Variants in FLNC observed in about 807,000 individuals in gnomAD.
FLNC encodes filamin C.
Under a neutral mutation model 254.3 loss-of-function variants are expected in FLNC, and 91 were observed. That is an observed-to-expected ratio of 0.36 (90% CI 0.30 to 0.43). The LOEUF (loss-of-function observed/expected upper bound fraction) is 0.43. Ranked by LOEUF, FLNC falls within the 20% of genes least tolerant of loss-of-function variation. The pLI is 1.00. For synonymous variants in FLNC, 1,430 were observed against 1,577.2 expected, an observed-to-expected ratio of 0.91 and a Z score of 2.21; for missense variants, 2,853 against 3,802.6, an observed-to-expected ratio of 0.75 and a Z score of 6.57.
At chr7:128,843,052 A>C (rs371791770) in intron 16 of FLNC, 98 bp downstream of exon 16, 2 of 1,493,520 alleles carry the variant, frequency 1.3e-6, no homozygotes, top group East Asian at 2.4e-5. Flanking sequence ...ATGATTCCGC[A>C]GACATGGTGG....
intron 8 of FLNC, 75 bp from the exon 9 acceptor site, chr7:128,839,948 C>G: frequency 6.3e-7 from 1 of 1,576,126 alleles, no homozygotes; most frequent in Non-Finnish European, 8.6e-7. Context: ...GTTAGAAGGA[C>G]TGTGCACAGG....
At chr7:128,850,705 T>C (rs1168409848) in intron 32 of FLNC, 98 bp from the exon 33 acceptor site, 2 of 1,564,456 alleles carry the variant, frequency 1.3e-6, no homozygotes, top group African/African-American at 2.7e-5. Context: ...GCCTGGCTTC[T>C]CGGGTGGCAG....
rs2643767 is a variant in FLNC at position 128,848,850 on chromosome 7, A to G, written c.4795A>G (p.Thr1599Ala). ...NIRDNGDGTY[T>A]VSYLPDMSGR... ...CCGGGACAATGGGGATGGCACGTAC[A>G]CTGTGTCCTACCTGCCGGACATGAG... is the stretch of plus-strand genomic sequence containing the variant. The change falls in exon 28 of 48, where the codon ACT becomes GCT. Residue 1599 changes from threonine to alanine, a missense_variant. This residue lies in a region of FLNC where 1,573 missense variants were observed against 1,883.5 expected (regional missense o/e 0.84). Transcript: ENST00000325888. The G allele has an allele frequency of 7.4e-6, 12 of 1,613,836 alleles. No individual in the cohort carries two copies. Among genetic ancestry groups the G allele is most frequent in the Non-Finnish European group, 1.0e-5 (12 of 1,179,984 alleles).
chr7:128,835,339 C>T lies in FLNC; in HGVS notation c.366C>T (p.Ile122=), dbSNP rs369120591. The stretch of plus-strand genomic sequence containing the variant: ...TCCCCTCTGCAGACAGCAAGGCCAT[C>T]GTGGATGGGAACCTGAAGCTGATCC... ...IKLVSIDSKA[I]VDGNLKLILG... The change falls in exon 2 of 48, where the codon ATC becomes ATT. Residue 122 remains isoleucine, a synonymous_variant. Coordinates refer to ENST00000325888, the MANE Select transcript of FLNC (RefSeq NM_001458.5). The surrounding 1 kb of genome is among the most constrained non-coding windows in gnomAD (Gnocchi z 5.3). 107 of 1,613,638 alleles carry T rather than the reference C, an allele frequency of 6.6e-5. No homozygotes were observed. The highest frequency in any genetic ancestry group is 7.9e-5 in the Non-Finnish European group (93 of 1,180,028).
Position 128,842,425 on chromosome 7 carries a change from G to A in FLNC, c.2265+51G>A, listed in dbSNP as rs374280717. On this transcript the variant is annotated intron_variant, in intron 14 of 47. Transcript: ENST00000325888. The surrounding 1 kb of genome is among the most constrained non-coding windows in gnomAD (Gnocchi z 5.4). ...CCCACCACCAGGGGTCCCTGAGGGA[G>A]GGCGGAACCCTCGCTGGAGTCCCTG... 5 of 1,611,994 alleles carry A rather than the reference G, an allele frequency of 3.1e-6. No individual in the cohort carries two copies. The African/African-American group carries it at 6.7e-5, about 22-fold the overall frequency.
At chr7:128,834,460 A>G (rs1022978613) in intron 1 of FLNC, among the ~76,000 whole-genome samples, 1 of 151,354 alleles carries the variant, frequency 6.6e-6, no homozygotes, top group Non-Finnish European at 1.5e-5. Flanking sequence ...CTGAGAATGT[A>G]CTGGACCCCA....
chr7:128,844,031 T>A lies in FLNC; in HGVS notation c.2957T>A (p.Phe986Tyr). The A allele has an allele frequency of 6.2e-7, 1 of 1,614,082 alleles. No individual in the cohort carries two copies. Among genetic ancestry groups the A allele is most frequent in the Non-Finnish European group, 8.5e-7 (1 of 1,180,048 alleles). Residue 986 changes from phenylalanine (F) to tyrosine (Y), a missense_variant, in exon 20 of 48, where the codon TTC becomes TAC. By Grantham distance (22) the Phe-to-Tyr change is conservative (BLOSUM62 3). Transcript: ENST00000325888. Reference sequence around the variant, plus strand: ...GTGGCTGTGGGACAGGAACAAGCATTCTCTGTGAACACACGAGGGGCTGGC... The same window carrying A: ...GTGGCTGTGGGACAGGAACAAGCATACTCTGTGAACACACGAGGGGCTGGC... The part of the protein sequence containing the change: ...SKVAVGQEQA[F>Y]SVNTRGAGGQ...
Position 128,845,252 on chromosome 7 carries a change from C to A in FLNC, c.3787C>A (p.His1263Asn). The change falls in exon 21 of 48, where the codon CAC becomes AAC. Residue 1263 changes from histidine (H) to asparagine (N), a missense_variant. By Grantham distance (68) the His-to-Asn change is moderately conservative. Transcript: ENST00000325888. ...GGTCTCAGGGCCTGGTGTTGAGCCA[C>A]ACGGTGAGTGGACAGGAGGAGCCAA... Reference protein sequence around the residue: ...VKVSGPGVEPHGVLREVTTEF... With the variant: ...VKVSGPGVEPNGVLREVTTEF... 1 of 1,612,314 alleles carries A rather than the reference C, an allele frequency of 6.2e-7. No individual in the cohort carries two copies. Among genetic ancestry groups the A allele is most frequent in the Non-Finnish European group, 8.5e-7 (1 of 1,179,040 alleles).
At chr7:128,853,322 C>T in intron 37 of FLNC, 147 bp from the exon 38 acceptor site, 12 of 1,004,066 alleles carry the variant, frequency 1.2e-5, no homozygotes, top group Non-Finnish European at 1.8e-5. Context: ...CCGTGGTGCC[C>T]CCGCTCCTCC....
At position 128,846,897 on chromosome 7, in the gene FLNC, C is replaced by T. The variant is rs1192906461; in HGVS notation, c.4280C>T (p.Pro1427Leu). The change falls in exon 24 of 48, where the codon CCC becomes CTC. Residue 1427 changes from proline to leucine, a missense_variant. Physicochemically the swap from Pro to Leu is moderately conservative, Grantham distance 98 (BLOSUM62 -3). Transcript: ENST00000325888. The part of the protein sequence containing the change: ...YDVNITFGGR[P>L]IPGSPFRVPV... ...GTCAACATCACCTTCGGGGGGCGGC[C>T]CATCCCAGGTGTGCAGAGAGAGTGG... 6.2e-7 allele frequency: 1 copy of T among 1,614,192 alleles called. No individual in the cohort carries two copies. The highest frequency in any genetic ancestry group is 1.1e-5 in the South Asian group (1 of 91,086).
chr7:128,846,353 C>A lies in FLNC; in HGVS notation c.4017C>A (p.Pro1339=), dbSNP rs2128936853. 1 of 1,613,638 alleles carries A rather than the reference C, an allele frequency of 6.2e-7. No individual in the cohort carries two copies. Among genetic ancestry groups the A allele is most frequent in the Non-Finnish European group, 8.5e-7 (1 of 1,180,006 alleles). The change falls in exon 23 of 48, where the codon CCC becomes CCA. Residue 1339 remains proline, a synonymous_variant. Coordinates refer to ENST00000325888, the MANE Select transcript of FLNC (RefSeq NM_001458.5). ...LYDEVAVPKS[P]FRVGVTEGCD... ...ATGAGGTCGCTGTGCCCAAGAGCCC[C>A]TTCCGAGTGGGCGTGACCGAGGGCT...
intron 1 of FLNC, among the ~76,000 whole-genome samples, chr7:128,834,716 T>C (rs780585756): frequency 4.6e-5 from 7 of 151,928 alleles, no homozygotes; most frequent in Non-Finnish European, 8.8e-5. Flanking sequence ...TGTGATTCCA[T>C]TTATATAACA....
chr7:128,847,072 A>C (rs1808599087), intron 24 of FLNC, among the ~76,000 whole-genome samples, 167 bp downstream of exon 24: 1 of 152,246 alleles, frequency 6.6e-6, no homozygotes, highest in African/African-American at 2.4e-5. Flanking sequence ...TGGAGGAGGC[A>C]GGCAATGAGG....
At position 128,836,518 on chromosome 7, in the gene FLNC, C is replaced by T. The variant is rs1328858997; in HGVS notation, c.602-642C>T. Among the ~76,000 whole-genome samples, 1 of 152,216 alleles carries T rather than the reference C, an allele frequency of 6.6e-6. No homozygotes were observed. Among genetic ancestry groups the T allele is most frequent in the African/African-American group, 2.4e-5 (1 of 41,446 alleles). Reference sequence around the variant, plus strand: ...CTCTGGCCTAAACCAAGCGCCCCTTCACCTGCACCGTTCATAGGAGTGATC... The same window carrying T: ...CTCTGGCCTAAACCAAGCGCCCCTTTACCTGCACCGTTCATAGGAGTGATC... On this transcript the variant is annotated intron_variant, in intron 2 of 47. Transcript: ENST00000325888. This position sits in a 1 kb window ranked among gnomAD's most constrained non-coding sequence, Gnocchi z 6.0.
chr7:128,838,500 G>T (rs1002168964), intron 7 of FLNC, 71 bp downstream of exon 7: 2 of 1,595,436 alleles, frequency 1.3e-6, no homozygotes, highest in African/African-American at 1.3e-5. Context: ...GTGGGGGGAG[G>T]CTGGGACAGG....
chr7:128,846,219 G>GC, intron 22 of FLNC, 56 bp downstream of exon 22: 1 of 1,612,966 alleles, frequency 6.2e-7, no homozygotes, highest in African/African-American at 1.3e-5. Context: ...GCAGGGCCGG[G>GC]ATCTGATGAT....
In FLNC at chr7:128,844,128, C is replaced by T. The variant is rs769624093; in HGVS notation, c.3054C>T (p.Gly1018=). The change falls in exon 20 of 48, where the codon GGC becomes GGT. Residue 1018 remains glycine, a synonymous_variant. Coordinates refer to ENST00000325888, the MANE Select transcript of FLNC (RefSeq NM_001458.5). ...CCATCCCCTGCAAGCTGGAGCCAGGCGGTGGAGCGGAAGCCCAGGCTGTGC... is the reference window on the plus strand; with the variant it reads ...CCATCCCCTGCAAGCTGGAGCCAGGTGGTGGAGCGGAAGCCCAGGCTGTGC... ...RRPIPCKLEP[G]GGAEAQAVRY... is the part of the protein sequence containing the mutation. 1.4e-5 allele frequency: 22 copies of T among 1,613,812 alleles called. No homozygotes were observed. The highest frequency in any genetic ancestry group is 2.7e-5 in the African/African-American group (2 of 74,940).
Position 128,830,413 on chromosome 7 carries a change from C to T in FLNC, c.-225C>T, listed in dbSNP as rs1474572040. 5 of 573,710 alleles carry T rather than the reference C, an allele frequency of 8.7e-6. No homozygotes were observed. The highest frequency in any genetic ancestry group is 2.0e-5 in the African/African-American group (1 of 50,192). The allele number at this position is 573,710 out of a possible 1,614,324, so 35.5% of individuals were successfully genotyped here. On this transcript the variant is annotated 5_prime_UTR_variant, in exon 1 of 48. Coordinates refer to ENST00000325888, the MANE Select transcript of FLNC (RefSeq NM_001458.5). ...CCCGCCCCGGCCCAGCCCGCCCTTC[C>T]CGAGCACCGCTCCGGCCCTGGAGGG...
In FLNC at chr7:128,836,325, G is replaced by C. The variant is rs140980790; in HGVS notation, c.601+751G>C. Among the ~76,000 whole-genome samples the C allele has an allele frequency of 4.3e-4, 66 of 152,374 alleles. No homozygotes were observed. The East Asian group carries it at 0.012, about 28-fold the overall frequency. Reference sequence around the variant, plus strand: ...CCACCCTGGGGTCAGCCGGGGAGCAGAGGGTGGGAGGCGGGGGCACAGCCT... The same window carrying C: ...CCACCCTGGGGTCAGCCGGGGAGCACAGGGTGGGAGGCGGGGGCACAGCCT... On this transcript the variant is annotated intron_variant, in intron 2 of 47. Coordinates refer to ENST00000325888, the MANE Select transcript of FLNC (RefSeq NM_001458.5). This position sits in a 1 kb window ranked among gnomAD's most constrained non-coding sequence, Gnocchi z 6.0.
Sources: gnomAD v4.1 joint callset for allele counts (sites outside exome capture counted in the v4.1 genomes callset) on GRCh38, gnomAD v4.1.1 for gene constraint, gnomAD v4.1.1 regional missense constraint, Gnocchi (gnomAD v3.1) non-coding constraint, MANE v1.5 for transcripts, NCBI Gene and HGNC (gene_info 2026-07-23, HGNC 2026-07-21) for gene names.